DNAJC25: variants seen among roughly 807,000 people sequenced by gnomAD.
The protein encoded by DNAJC25 is DnaJ heat shock protein family (Hsp40) member C25.
A neutral mutation model predicts 42.1 loss-of-function variants in DNAJC25; 26 were observed. The observed-to-expected ratio is 0.62, with a 90% CI of 0.45 to 0.86. The LOEUF is 0.86. DNAJC25 is among the 40% of genes least tolerant of loss of function. DNAJC25 has a pLI of 0.00. For synonymous variants in DNAJC25, 189 were observed against 179.9 expected (o/e 1.05, Z -0.40); for missense variants, 404 against 459.4 (o/e 0.88, Z 1.10).
intron 1 of DNAJC25, among the ~76,000 whole-genome samples, chr9:111,643,595 CT>C (rs529666465): frequency 3.2e-4 from 48 of 152,136 alleles, no homozygotes; most frequent in African/African-American, 1.1e-3. Flanking sequence ...CCAGAAATTG[CT>C]GTCTGAATGT....
chr9:111,646,386 T>C (rs756150591), intron 1 of DNAJC25, among the ~76,000 whole-genome samples: 3 of 152,126 alleles, frequency 2.0e-5, no homozygotes, highest in South Asian at 2.1e-4. Flanking sequence ...TTTCAAGGAG[T>C]TGGTATCGGT....
intron 1 of DNAJC25, among the ~76,000 whole-genome samples, chr9:111,645,293 C>G (rs953893683): frequency 4.0e-5 from 6 of 150,208 alleles, no homozygotes; most frequent in Admixed American, 4.0e-4. Flanking sequence ...CTCGCTCTGT[C>G]GCCCAGGCTG....
intron 3 of DNAJC25, 21 bp downstream of exon 3, chr9:111,649,944 G>A: frequency 1.3e-6 from 2 of 1,527,662 alleles, no homozygotes; most frequent in Non-Finnish European, 1.7e-6. Context: ...ACCCTGCTGT[G>A]ATTTAAGTGT....
chr9:111,637,845 GT>G (rs1282326087), intron 1 of DNAJC25, among the ~76,000 whole-genome samples: 2 of 152,184 alleles, frequency 1.3e-5, no homozygotes, highest in Non-Finnish European at 1.5e-5. Context: ...ATCTTTGTCT[GT>G]TTCTCCTGTC....
rs1442493622 is a variant in DNAJC25, at chr9:111,647,148, T to C, written c.378T>C (p.His126=). The C allele has an allele frequency of 6.2e-7, 1 of 1,614,158 alleles. No homozygotes were observed. The highest frequency in any genetic ancestry group is 1.1e-5 in the South Asian group (1 of 91,076). Residue 126 remains histidine (H), a synonymous_variant, in exon 2 of 4, where the codon CAT becomes CAC. Coordinates refer to ENST00000313525, the MANE Select transcript of DNAJC25 (RefSeq NM_001015882.3). ...AAGATTATGATTACATGCTGGATCA[T>C]CCAGAAGAGTACTACAGCCATTACT... ...TRKDYDYMLD[H]PEEYYSHYYH...
chr9:111,636,064 T>A (rs543091068), intron 1 of DNAJC25, among the ~76,000 whole-genome samples: 10 of 152,328 alleles, frequency 6.6e-5, no homozygotes, highest in Admixed American at 5.2e-4. Flanking sequence ...AACAGATACT[T>A]ATTGTTCAGT....
intron 3 of DNAJC25, among the ~76,000 whole-genome samples, chr9:111,650,468 G>C (rs1830642738): frequency 6.6e-6 from 1 of 152,060 alleles, no homozygotes; most frequent in South Asian, 2.1e-4. Context: ...AAACTTTCAG[G>C]CATTTTAATA....
intron 1 of DNAJC25, among the ~76,000 whole-genome samples, chr9:111,645,020 T>G (rs1194287426): frequency 6.6e-6 from 1 of 152,134 alleles, no homozygotes; most frequent in Non-Finnish European, 1.5e-5. Context: ...CACAAGAAAA[T>G]CCTTTTTGAC....
chr9:111,642,642 TAAAA>T (rs762960781), intron 1 of DNAJC25, among the ~76,000 whole-genome samples: 64 of 108,662 alleles, frequency 5.9e-4, no homozygotes, highest in Non-Finnish European at 9.4e-4. Flanking sequence ...AATAAATAAA[TAAAA>T]AATAAATGTA....
intron 1 of DNAJC25, among the ~76,000 whole-genome samples, chr9:111,643,749 A>AG (rs199890200): frequency 2.6e-5 from 4 of 151,428 alleles, no homozygotes; most frequent in African/African-American, 9.7e-5. Flanking sequence ...AAAAAAAAAA[A>AG]TTGTGTGGCT....
intron 1 of DNAJC25, among the ~76,000 whole-genome samples, chr9:111,644,921 G>A (rs914983888): frequency 6.6e-6 from 1 of 152,166 alleles, no homozygotes; most frequent in African/African-American, 2.4e-5. Context: ...CCTTATATAG[G>A]TTTACCCTTT....
Position 111,631,755 on chromosome 9 carries a change from G to A in DNAJC25, c.336+12G>A. ...ACGAGACACTCAAGGTGAGGCCTGC[G>A]GGCGTGGAGGGGCTTCGAAGACTGG... On this transcript the variant is annotated intron_variant, in intron 1 of 3. Coordinates refer to ENST00000313525, the MANE Select transcript of DNAJC25 (RefSeq NM_001015882.3). 1.3e-6 allele frequency: 2 copies of A among 1,503,316 alleles called. No individual in the cohort carries two copies. Among genetic ancestry groups the A allele is most frequent in the Non-Finnish European group, 1.8e-6 (2 of 1,132,610 alleles). 93.1% of individuals were successfully genotyped at this position (1,503,316 alleles called of 1,614,324 possible). A position where few individuals can be genotyped will look rare whatever the true frequency, so the allele number is the denominator to read the frequency against.
chr9:111,635,735 A>C (rs1227875795), intron 1 of DNAJC25, among the ~76,000 whole-genome samples: 3 of 152,242 alleles, frequency 2.0e-5, no homozygotes, highest in Non-Finnish European at 4.4e-5. Flanking sequence ...TATTTCTGGC[A>C]TGAAGGTGAA....
intron 1 of DNAJC25, among the ~76,000 whole-genome samples, chr9:111,641,324 C>A (rs1342180307): frequency 7.0e-6 from 1 of 143,814 alleles, no homozygotes; most frequent in South Asian, 2.2e-4. Context: ...CCCCTCTGCC[C>A]GGCCAGCCGC....
chr9:111,650,823 A>G (rs1830647560), intron 3 of DNAJC25, among the ~76,000 whole-genome samples: 1 of 152,114 alleles, frequency 6.6e-6, no homozygotes, highest in South Asian at 2.1e-4. Flanking sequence ...TCTGAGATAC[A>G]TTAGTTTTTT....
intron 1 of DNAJC25, among the ~76,000 whole-genome samples, chr9:111,645,241 C>T (rs1359937281): frequency 6.7e-6 from 1 of 149,424 alleles, no homozygotes; most frequent in African/African-American, 2.5e-5. Flanking sequence ...AGAATGATCT[C>T]ACACAGATTC....
rs1411078521 is a variant in DNAJC25 at position 111,653,461 on chromosome 9, AT to A, written c.*242del. ...TTTTGTTAAAAGATTTCACATGAAG[AT>A]TTATTAGTTGCCATTTAAAATTTTT... On this transcript the variant is annotated 3_prime_UTR_variant, in exon 4 of 4. Coordinates refer to ENST00000313525, the MANE Select transcript of DNAJC25 (RefSeq NM_001015882.3). The A allele has an allele frequency of 2.2e-5, 8 of 360,580 alleles. No individual in the cohort carries two copies. The South Asian group carries it at 1.1e-3, about 48-fold the overall frequency. 22.3% of individuals were successfully genotyped at this position (360,580 alleles called of 1,614,324 possible).
Position 111,648,640 on chromosome 9 carries a change from G to T in DNAJC25, c.490-813G>T, listed in dbSNP as rs191971118. Among the ~76,000 whole-genome samples the T allele has an allele frequency of 1.8e-3, 270 of 152,308 alleles. 1 individual carries two copies. The highest frequency in any genetic ancestry group is 2.7e-3 in the Non-Finnish European group (185 of 68,020). On this transcript the variant is annotated intron_variant, in intron 2 of 3. Coordinates refer to ENST00000313525, the MANE Select transcript of DNAJC25 (RefSeq NM_001015882.3). ...GTATGTTTAAAATGTGTCAGCATTTGTAGAACGATTTACCCTTTCAAAGGG... is the reference window on the plus strand; with the variant it reads ...GTATGTTTAAAATGTGTCAGCATTTTTAGAACGATTTACCCTTTCAAAGGG...
At chr9:111,638,897 A>G (rs1830402789) in intron 1 of DNAJC25, among the ~76,000 whole-genome samples, 1 of 151,690 alleles carries the variant, frequency 6.6e-6, no homozygotes, top group Non-Finnish European at 1.5e-5. Flanking sequence ...AACAGTCCTT[A>G]TCCAAACTTG....
Sources: gnomAD v4.1 joint callset for allele counts (sites outside exome capture counted in the v4.1 genomes callset) on GRCh38, gnomAD v4.1.1 for gene constraint, MANE v1.5 for transcripts, NCBI Gene and HGNC (gene_info 2026-07-23, HGNC 2026-07-21) for gene names.